The following C21orf58 variants were observed in gnomAD, a reference collection of about 807,000 sequenced individuals.
C21orf58 encodes chromosome 21 open reading frame 58.
A neutral mutation model predicts 35.8 loss-of-function variants in C21orf58; 34 were observed. That is an observed-to-expected ratio of 0.95 (90% CI 0.72 to 1.26). The LOEUF is 1.26. Ranked by LOEUF, C21orf58 falls within the 50% of genes most tolerant of loss-of-function variation. C21orf58 has a pLI of 0.00. For missense variants in C21orf58, 440 were observed against 414.3 expected (o/e 1.06, Z -0.54); for synonymous variants, 191 against 175.8 (o/e 1.09, Z -0.68).
At position 46,302,588 on chromosome 21, in the gene C21orf58, A is replaced by C; in HGVS notation, c.722-12T>G. 2 of 1,602,670 alleles carry C rather than the reference A, an allele frequency of 1.2e-6. No individual in the cohort carries two copies. The highest frequency in any genetic ancestry group is 1.7e-6 in the Non-Finnish European group (2 of 1,172,704). The stretch of plus-strand genomic sequence containing the variant: ...CAGCTCCACCATGTCTGCAGGGAAG[A>C]AGCAGGGGGACCCTGAATAAAGTTT... On this transcript the variant is annotated splice_polypyrimidine_tract_variant and intron_variant, in intron 6 of 7. Transcript: ENST00000291691.
intron 5 of C21orf58, among the ~76,000 whole-genome samples, chr21:46,312,835 T>C (rs563891422): frequency 6.6e-6 from 1 of 152,354 alleles, no homozygotes; most frequent in South Asian, 2.1e-4. Context: ...CCCAGTGACC[T>C]CTCTATCCCA....
chr21:46,315,488 G>T lies in C21orf58; in HGVS notation c.430C>A (p.Leu144Met), dbSNP rs746593157. Residue 144 changes from leucine (L) to methionine (M), a missense_variant, in exon 4 of 8, where the codon CTG becomes ATG. Leu to Met is a conservative substitution (Grantham distance 15). Transcript: ENST00000291691. Reference sequence around the variant, plus strand: ...GCAGGGCCTACCCGGAGTCTCTGCAGAAGGTCCCTCCTTCTCTTCAGAGCA... The same window carrying T: ...GCAGGGCCTACCCGGAGTCTCTGCATAAGGTCCCTCCTTCTCTTCAGAGCA... ...QTALKRRRDLLQRLREQHLLD... is the reference protein window; with the variant it reads ...QTALKRRRDLMQRLREQHLLD... 1 of 1,608,618 alleles carries T rather than the reference G, an allele frequency of 6.2e-7. No individual in the cohort carries two copies. The highest frequency in any genetic ancestry group is 8.5e-7 in the Non-Finnish European group (1 of 1,175,376).
chr21:46,313,604 G>T (rs185133012), intron 5 of C21orf58, among the ~76,000 whole-genome samples: 52 of 152,304 alleles, frequency 3.4e-4, no homozygotes, highest in Middle Eastern at 3.4e-3. Context: ...GAGGAAGATG[G>T]GGGGTCCACA....
chr21:46,312,856 C>T (rs960644842), intron 5 of C21orf58: 1 of 346,672 alleles, frequency 2.9e-6, no homozygotes, highest in Non-Finnish European at 4.1e-6. Context: ...GCCCCCATAA[C>T]AACTTGGTTA....
At chr21:46,309,278 T>C (rs1370414052) in intron 6 of C21orf58, among the ~76,000 whole-genome samples, 3 of 151,932 alleles carry the variant, frequency 2.0e-5, no homozygotes, top group African/African-American at 7.3e-5. Context: ...CTGGTCAACA[T>C]GGTGAAACCC....
chr21:46,321,370 G>T (rs1193501999), intron 1 of C21orf58, among the ~76,000 whole-genome samples: 1 of 152,116 alleles, frequency 6.6e-6, no homozygotes, highest in Non-Finnish European at 1.5e-5. Flanking sequence ...TGGCCCATTT[G>T]TTATGATTAA....
At chr21:46,317,034 G>A (rs1016816200) in intron 3 of C21orf58, among the ~76,000 whole-genome samples, 174 bp downstream of exon 3, 1 of 152,222 alleles carries the variant, frequency 6.6e-6, no homozygotes, top group Non-Finnish European at 1.5e-5. Context: ...TAAGGAATGG[G>A]GGTGTCTTCA....
At chr21:46,303,725 ATATATATATATATATATATATTTTTT>A (rs1569116120) in intron 6 of C21orf58, among the ~76,000 whole-genome samples, 7 of 26,216 alleles carry the variant, frequency 2.7e-4, no homozygotes, top group African/African-American at 1.0e-3. Context: ...ATATATATAT[ATATATATATATATATATATATTTTTT>A]TTTTTTTTTT....
At chr21:46,302,598 A>ACC (rs1569113986) in intron 6 of C21orf58, 22 bp from the exon 7 acceptor site, 2 of 1,584,986 alleles carry the variant, frequency 1.3e-6, no homozygotes, top group Non-Finnish European at 1.7e-6. Context: ...AAGCAGGGGG[A>ACC]CCCTGAATAA....
chr21:46,312,581 A>C (rs2082782384), intron 5 of C21orf58, among the ~76,000 whole-genome samples: 1 of 152,248 alleles, frequency 6.6e-6, no homozygotes, highest in Non-Finnish European at 1.5e-5. Context: ...ACCAACCAAC[A>C]GTGTCCAGGC....
Position 46,314,650 on chromosome 21 carries a change from C to T in C21orf58, c.609+66G>A, listed in dbSNP as rs549931809. On this transcript the variant is annotated intron_variant, in intron 5 of 7. Transcript: ENST00000291691. Reference sequence around the variant, plus strand: ...CTGCAGGCACAGCGCCTCCTGCCTTCTGTAAAATCTTAATTCCGCACCCGC... The same window carrying T: ...CTGCAGGCACAGCGCCTCCTGCCTTTTGTAAAATCTTAATTCCGCACCCGC... 2,024 of 1,256,790 alleles carry T rather than the reference C, an allele frequency of 1.6e-3. 6 individuals are homozygous for T. Among genetic ancestry groups the T allele is most frequent in the Non-Finnish European group, 2.0e-3 (1,814 of 925,992 alleles). The allele number at this position is 1,256,790 out of a possible 1,614,324, so 77.9% of individuals were successfully genotyped here.
At chr21:46,304,498 A>C (rs1369144958) in intron 6 of C21orf58, among the ~76,000 whole-genome samples, 1 of 152,028 alleles carries the variant, frequency 6.6e-6, no homozygotes, top group Non-Finnish European at 1.5e-5. Context: ...AGAAAAAAAA[A>C]AACCTCAAAA....
At chr21:46,312,475 C>A (rs900467006) in intron 5 of C21orf58, among the ~76,000 whole-genome samples, 1 of 152,060 alleles carries the variant, frequency 6.6e-6, no homozygotes, top group African/African-American at 2.4e-5. Flanking sequence ...CCTGCCACCA[C>A]GCCCGGCTAA....
At chr21:46,311,743 C>T (rs1314827234) in intron 5 of C21orf58, 176 bp from the exon 6 acceptor site, 1 of 445,840 alleles carries the variant, frequency 2.2e-6, no homozygotes, top group Non-Finnish European at 4.1e-6. Flanking sequence ...AACCAACCAT[C>T]CACCCACTCA....
intron 4 of C21orf58, chr21:46,315,156 C>G: frequency 1.3e-6 from 1 of 794,810 alleles, no homozygotes; most frequent in Admixed American, 3.0e-5. Context: ...TTTTCTAGGT[C>G]TCCCCCTAGA....
chr21:46,303,733 ATATATATATATATTTTTTTTTTT>A (rs2082260522), intron 6 of C21orf58, among the ~76,000 whole-genome samples: 1 of 32,230 alleles, frequency 3.1e-5, no homozygotes, highest in Non-Finnish European at 5.7e-5. Context: ...ATATATATAT[ATATATATATATATTTTTTTTTTT>A]TTTTTTTTTT....
At chr21:46,300,712 C>T (rs1162171137), downstream of C21orf58, 9 of 1,286,598 alleles carry the variant, frequency 7.0e-6, no homozygotes, top group Non-Finnish European at 9.1e-6. Context: ...GTCATCCTGT[C>T]TCCTACCTGC....
At chr21:46,309,924 G>A (rs2082595052) in intron 6 of C21orf58, among the ~76,000 whole-genome samples, 2 of 151,920 alleles carry the variant, frequency 1.3e-5, no homozygotes, top group East Asian at 3.9e-4. Context: ...TAAACCTGGA[G>A]GGGCAGAGGT....
intron 5 of C21orf58, 80 bp from the exon 6 acceptor site, chr21:46,311,647 C>T (rs2082695252): frequency 1.3e-6 from 1 of 761,718 alleles, no homozygotes; most frequent in Admixed American, 2.7e-5. Context: ...ATCCATCCAC[C>T]CACCCATCCA....
Sources: gnomAD v4.1 joint callset for allele counts (sites outside exome capture counted in the v4.1 genomes callset) on GRCh38, gnomAD v4.1.1 for gene constraint, MANE v1.5 for transcripts, NCBI Gene and HGNC (gene_info 2026-07-23, HGNC 2026-07-21) for gene names.